Variants in ZNF331 observed in about 807,000 individuals in gnomAD.
ZNF331 encodes zinc finger protein 331.
In ZNF331, 2 loss-of-function variants were observed where a neutral mutation model predicts 7.0. The ratio of observed to expected loss-of-function variants is 0.29; its 90% CI spans 0.12 to 0.90. The LOEUF is 0.90. Among genes scored for constraint, ZNF331 ranks in the 40% least tolerant of loss-of-function variants. ZNF331 has a pLI of 0.58. For synonymous variants in ZNF331, 196 were observed against 205.4 expected, an observed-to-expected ratio of 0.95 and a Z score of 0.39; for missense variants, 432 against 587.7, an observed-to-expected ratio of 0.74 and a Z score of 2.74.
chr19:53,572,512 G>T (rs2090494179), intron 5 of ZNF331, among the ~76,000 whole-genome samples: 2 of 142,828 alleles, frequency 1.4e-5, no homozygotes, highest in Admixed American at 7.1e-5. Flanking sequence ...AAACAAATAG[G>T]AATATATATA....
At chr19:53,561,934 G>A (rs965472154) in intron 3 of ZNF331, among the ~76,000 whole-genome samples, 2 of 152,070 alleles carry the variant, frequency 1.3e-5, no homozygotes, top group Admixed American at 6.5e-5. Context: ...GATCACCTGA[G>A]GTCAGGAGTT....
At chr19:53,549,387 A>AATAC (rs2088836972) in intron 2 of ZNF331, among the ~76,000 whole-genome samples, 1 of 152,166 alleles carries the variant, frequency 6.6e-6, no homozygotes, top group African/African-American at 2.4e-5. Context: ...GGTTTACTGT[A>AATAC]AGGCTGCAGA....
the ZNF331 span, among the ~76,000 whole-genome samples, chr19:53,510,658 T>C: frequency 1.0e-3 from 157 of 152,248 alleles, no homozygotes; most frequent in African/African-American, 3.7e-3. Context: ...ATTATTCTTA[T>C]TTGTGTTTTC....
At chr19:53,555,929 T>TA (rs953873976) in intron 3 of ZNF331, 21 bp downstream of exon 3, 2 of 147,560 alleles carry the variant, frequency 1.4e-5, no homozygotes, top group Non-Finnish European at 1.5e-5. Context: ...TTTTTTTTTT[T>TA]TTAATTAAAT....
chr19:53,524,900 C>G (rs575455276), intron 2 of ZNF331, among the ~76,000 whole-genome samples: 80 of 152,160 alleles, frequency 5.3e-4, no homozygotes, highest in South Asian at 1.5e-3. Context: ...GGTTTTAGGT[C>G]TAATATTTAA....
At chr19:53,566,740 G>C (rs1166601802) in intron 3 of ZNF331, among the ~76,000 whole-genome samples, 1 of 152,206 alleles carries the variant, frequency 6.6e-6, no homozygotes, top group Non-Finnish European at 1.5e-5. Context: ...CCATGGGCCA[G>C]TGTTGCGAGC....
intron 3 of ZNF331, among the ~76,000 whole-genome samples, chr19:53,559,364 T>TAC (rs1181346363): frequency 6.8e-6 from 1 of 147,098 alleles, no homozygotes; most frequent in African/African-American, 2.6e-5. Flanking sequence ...TACACACATA[T>TAC]ACACACACAC....
rs1386469293 is a variant in ZNF331 at position 53,560,146 on chromosome 19, C to G, written c.-74+4238C>G. Among the ~76,000 whole-genome samples, 1 of 120,822 alleles carries G rather than the reference C, an allele frequency of 8.3e-6. No individual in the cohort carries two copies. Among genetic ancestry groups the G allele is most frequent in the Non-Finnish European group, 1.7e-5 (1 of 58,806 alleles). The allele number at this position is 120,822 out of a possible 152,430, so 79.3% of individuals were successfully genotyped here. On this transcript the variant is annotated intron_variant, in intron 3 of 5. Coordinates refer to ENST00000449416, the MANE Select transcript of ZNF331 (RefSeq NM_001079906.2). The surrounding 1 kb of genome is among the most constrained non-coding windows in gnomAD (Gnocchi z 4.3). ...TATACACACACCATATATATACACA[C>G]ATATATACACATCCACACCATATAT...
At chr19:53,564,719 G>C (rs1342489525) in intron 3 of ZNF331, among the ~76,000 whole-genome samples, 2 of 152,104 alleles carry the variant, frequency 1.3e-5, no homozygotes, top group Non-Finnish European at 2.9e-5. Context: ...TCTCTACTAT[G>C]AGATATTTCA....
chr19:53,566,497 T>C (rs1195819770), intron 3 of ZNF331, among the ~76,000 whole-genome samples: 2 of 152,172 alleles, frequency 1.3e-5, no homozygotes, highest in Admixed American at 6.5e-5. Flanking sequence ...TCAGGGTTCA[T>C]GCACACACTG....
chr19:53,571,541 G>T lies in ZNF331; in HGVS notation c.10-63G>T, dbSNP rs2090446174. On this transcript the variant is annotated intron_variant, in intron 4 of 5. Coordinates refer to ENST00000449416, the MANE Select transcript of ZNF331 (RefSeq NM_001079906.2). This position sits in a 1 kb window ranked among gnomAD's most constrained non-coding sequence, Gnocchi z 4.7. ...CACCCTACCCAGAGGGTGGCCTCCT[G>T]TCTCCTTCATCTGGAAGCTGTTTCC... is the stretch of plus-strand genomic sequence containing the variant. The T allele has an allele frequency of 3.1e-6, 5 of 1,593,504 alleles. No individual in the cohort carries two copies. The highest frequency in any genetic ancestry group is 4.3e-6 in the Non-Finnish European group (5 of 1,170,082).
exon 2 of ZNF331, chr19:53,522,667 C>T (rs781081315): frequency 3.3e-5 from 5 of 152,166 alleles, no homozygotes; most frequent in East Asian, 1.9e-4. Flanking sequence ...TGTTATATGT[C>T]CTAAAGTAAG....
chr19:53,578,099 T>A lies in ZNF331; in HGVS notation c.*147T>A, dbSNP rs906214537. 9.4e-7 allele frequency: 1 copy of A among 1,065,516 alleles called. No homozygotes were observed. The highest frequency in any genetic ancestry group is 1.3e-6 in the Non-Finnish European group (1 of 765,324). The allele number at this position is 1,065,516 out of a possible 1,614,324, so 66.0% of individuals were successfully genotyped here. On this transcript the variant is annotated 3_prime_UTR_variant, in exon 6 of 6. Transcript: ENST00000449416. ...GTCTCAAATGGTGTGCCCTTCTGAG[T>A]AGCGTGATGAAATCTCTCGCTGTCC...
chr19:53,550,198 C>A (rs942709696), intron 2 of ZNF331, among the ~76,000 whole-genome samples: 1 of 152,180 alleles, frequency 6.6e-6, no homozygotes, highest in Non-Finnish European at 1.5e-5. Context: ...GAAGAATGTA[C>A]ATGCTGCCGC....
At chr19:53,537,274 G>C (rs2087794151), upstream of ZNF331, 1 of 152,286 alleles carries the variant, frequency 6.6e-6, no homozygotes. Context: ...CTTGGAATGA[G>C]AGCGGGACTC....
chr19:53,561,386 T>G (rs2089878743), intron 3 of ZNF331, among the ~76,000 whole-genome samples: 2 of 148,936 alleles, frequency 1.3e-5, no homozygotes, highest in South Asian at 4.4e-4. Context: ...TAGAGAAAAC[T>G]CTCTAAATTA....
chr19:53,559,616 A>G (rs1163372602), intron 3 of ZNF331, among the ~76,000 whole-genome samples: 1 of 130,670 alleles, frequency 7.7e-6, no homozygotes, highest in Non-Finnish European at 1.7e-5. Flanking sequence ...CACCCCATAT[A>G]TACACACATA....
rs764501728 is a variant in ZNF331 at position 53,577,778 on chromosome 19, C to A, written c.1218C>A (p.Thr406=). ...SSLVKHERIH[T]GVKPYGCTEC... is the part of the protein sequence containing the mutation. ...TCGTGAAACATGAGAGAATTCATAC[C>A]GGGGTGAAACCCTATGGGTGTACAG... The change falls in exon 6 of 6, where the codon ACC becomes ACA. Residue 406 remains threonine (T), a synonymous_variant. Transcript: ENST00000449416. 4 of 1,613,700 alleles carry A rather than the reference C, an allele frequency of 2.5e-6. No homozygotes were observed. In the South Asian group the frequency reaches 3.3e-5, roughly 13 times the overall value.
At chr19:53,546,541 TA>T (rs915248440) in intron 2 of ZNF331, among the ~76,000 whole-genome samples, 374 of 124,148 alleles carry the variant, frequency 3.0e-3, no homozygotes, top group African/African-American at 3.5e-3. Flanking sequence ...AAATCCCCCC[TA>T]AAAAAAAAAA....
Sources: gnomAD v4.1 joint callset for allele counts (sites outside exome capture counted in the v4.1 genomes callset) on GRCh38, gnomAD v4.1.1 for gene constraint, Gnocchi (gnomAD v3.1) non-coding constraint, MANE v1.5 for transcripts, NCBI Gene and HGNC (gene_info 2026-07-23, HGNC 2026-07-21) for gene names.